AAK1: variants seen among roughly 807,000 people sequenced by gnomAD.
The protein encoded by AAK1 is AP2 associated kinase 1.
A neutral mutation model predicts 116.0 loss-of-function variants in AAK1; 37 were observed. The ratio of observed to expected loss-of-function variants is 0.32; its 90% CI spans 0.25 to 0.42. The LOEUF is 0.42. Among genes scored for constraint, AAK1 ranks in the 10% least tolerant of loss-of-function variants. AAK1 has a pLI of 1.00. For missense variants in AAK1, 919 were observed against 1,170.6 expected (o/e 0.79, Z 3.14); for synonymous variants, 458 against 439.9 (o/e 1.04, Z -0.51).
In AAK1 at chr2:69,480,902, G is replaced by A. The variant is rs374706246; in HGVS notation, c.2527C>T (p.Arg843Cys). ...IPGLEPPVPQ[R>C]LPSQTESVTS... The stretch of plus-strand genomic sequence containing the variant: ...ACAGATTCCGTCTGAGATGGGAGGC[G>A]CTGGGGAACTGGGGGCTCCAGTCCT... The change falls in exon 19 of 22, where the codon CGC (arginine) becomes TGC (cysteine). Residue 843 changes from arginine to cysteine, a missense_variant. Physicochemically the swap from Arg to Cys is radical, Grantham distance 180. Around this residue, in one of 4 missense-constraint regions of AAK1, gnomAD observed 263 missense variants for 285.5 expected, o/e 0.92. Transcript: ENST00000409085. 2.5e-5 allele frequency: 40 copies of A among 1,606,882 alleles called. No individual in the cohort carries two copies. The highest frequency in any genetic ancestry group is 6.7e-5 in the African/African-American group (5 of 74,826).
At chr2:69,631,181 A>G (rs1675157147) in intron 2 of AAK1, among the ~76,000 whole-genome samples, 1 of 152,220 alleles carries the variant, frequency 6.6e-6, no homozygotes, top group Non-Finnish European at 1.5e-5. Context: ...TCCTGTCCCC[A>G]TAGGTAATAA....
intron 2 of AAK1, among the ~76,000 whole-genome samples, chr2:69,578,194 A>C (rs908269982): frequency 6.6e-6 from 1 of 152,244 alleles, no homozygotes; most frequent in African/African-American, 2.4e-5. Flanking sequence ...CGATAGGGTT[A>C]CATTAGTAAG....
At chr2:69,532,273 T>C (rs751027908) in intron 5 of AAK1, 111 bp from the exon 6 acceptor site, 5 of 1,342,154 alleles carry the variant, frequency 3.7e-6, no homozygotes, top group East Asian at 2.5e-5. Flanking sequence ...GTCTCATTAA[T>C]GTGCACAGGG....
At chr2:69,564,345 G>A (rs1671776549) in intron 2 of AAK1, among the ~76,000 whole-genome samples, 1 of 151,976 alleles carries the variant, frequency 6.6e-6, no homozygotes, top group South Asian at 2.1e-4. Context: ...CAAGGGTAGG[G>A]CTCTGTATAC....
chr2:69,521,806 G>T (rs1193221262), intron 10 of AAK1, among the ~76,000 whole-genome samples: 3 of 152,196 alleles, frequency 2.0e-5, no homozygotes, highest in Non-Finnish European at 4.4e-5. Context: ...TGATCCTGCT[G>T]CTAGGAGCAG....
intron 2 of AAK1, among the ~76,000 whole-genome samples, chr2:69,579,060 C>A (rs1467875056): frequency 6.6e-6 from 1 of 152,114 alleles, no homozygotes; most frequent in South Asian, 2.1e-4. Context: ...CTTTCTTGAT[C>A]CAACTAGCTA....
rs56153840 is a variant in AAK1, at chr2:69,619,600, T to C, written c.163+23278A>G. On this transcript the variant is annotated intron_variant, in intron 2 of 21. Coordinates refer to ENST00000409085, the MANE Select transcript of AAK1 (RefSeq NM_014911.5). ...ACAATACACAAACAAGCACGTTATA[T>C]AGCAGAGCCAAAGCAGGGAAGAGGG... is the stretch of plus-strand genomic sequence containing the variant. Among the ~76,000 whole-genome samples the C allele has an allele frequency of 6.7e-3, 1,024 of 152,240 alleles. 12 individuals are homozygous for C. Among genetic ancestry groups the C allele is most frequent in the African/African-American group, 0.023 (944 of 41,530 alleles).
chr2:69,472,725 T>C lies in AAK1; in HGVS notation c.*3144A>G, dbSNP rs1674722181. 1 of 985,296 alleles carries C rather than the reference T, an allele frequency of 1.0e-6. No homozygotes were observed. The highest frequency in any genetic ancestry group is 1.7e-5 in the African/African-American group (1 of 57,240). 61.0% of individuals were successfully genotyped at this position (985,296 alleles called of 1,614,324 possible). A position where few individuals can be genotyped will look rare whatever the true frequency, so the allele number is the denominator to read the frequency against. ...CTTACATAGCTGGAATAAAAGCAAA[T>C]CAGAAACATATGCTTATAGTATTTG... On this transcript the variant is annotated 3_prime_UTR_variant, in exon 22 of 22. Transcript: ENST00000409085.
At chr2:69,628,945 C>G (rs981324221) in intron 2 of AAK1, among the ~76,000 whole-genome samples, 22 of 152,210 alleles carry the variant, frequency 1.4e-4, no homozygotes, top group Admixed American at 1.3e-4. Flanking sequence ...TACTCAACTA[C>G]AGGTACCACC....
intron 12 of AAK1, among the ~76,000 whole-genome samples, chr2:69,515,851 T>C (rs980071168): frequency 6.7e-5 from 10 of 149,510 alleles, no homozygotes; most frequent in Non-Finnish European, 1.5e-4. Context: ...AAAAAAAAAA[T>C]AGCTGCCTAC....
At chr2:69,541,986 C>A (rs1033410731) in intron 5 of AAK1, among the ~76,000 whole-genome samples, 1 of 152,156 alleles carries the variant, frequency 6.6e-6, no homozygotes, top group Non-Finnish European at 1.5e-5. Context: ...CCTGAAGAGA[C>A]ACTGTACATA....
intron 2 of AAK1, among the ~76,000 whole-genome samples, chr2:69,593,947 G>A (rs967574655): frequency 6.6e-6 from 1 of 152,200 alleles, no homozygotes; most frequent in Non-Finnish European, 1.5e-5. Flanking sequence ...TCTTGCCATT[G>A]TTCTCTACTG....
intron 14 of AAK1, among the ~76,000 whole-genome samples, chr2:69,507,891 G>A (rs189321730): frequency 5.3e-5 from 8 of 152,078 alleles, no homozygotes; most frequent in Non-Finnish European, 8.8e-5. Flanking sequence ...ATTTTTAGTA[G>A]AGACAAGGTT....
chr2:69,487,034 C>A (rs185549952), intron 17 of AAK1, among the ~76,000 whole-genome samples: 1 of 152,316 alleles, frequency 6.6e-6, no homozygotes, highest in Admixed American at 6.5e-5. Context: ...GATCTCACAG[C>A]AAGCAAGCAA....
intron 2 of AAK1, among the ~76,000 whole-genome samples, chr2:69,585,302 T>A (rs1672717807): frequency 6.6e-6 from 1 of 152,120 alleles, no homozygotes; most frequent in African/African-American, 2.4e-5. Context: ...CTTCAAGCAA[T>A]CCTCCTGGCC....
intron 2 of AAK1, among the ~76,000 whole-genome samples, chr2:69,609,604 C>A (rs1457893604): frequency 6.6e-6 from 1 of 152,120 alleles, no homozygotes; most frequent in Non-Finnish European, 1.5e-5. Flanking sequence ...GCAGAGGTTG[C>A]AGTGAGCCGA....
At chr2:69,598,903 G>C in intron 2 of AAK1, 1 of 341,962 alleles carries the variant, frequency 2.9e-6, no homozygotes, top group Non-Finnish European at 5.9e-6. Context: ...TTTACAAGGA[G>C]ATCATTACTT....
At position 69,466,004 on chromosome 2, in the gene AAK1, G is replaced by C. The variant is rs964294496; in HGVS notation, c.*9865C>G. 1.5e-6 allele frequency: 2 copies of C among 1,290,730 alleles called. No individual in the cohort carries two copies. The highest frequency in any genetic ancestry group is 3.0e-5 in the African/African-American group (2 of 65,808). The allele number at this position is 1,290,730 out of a possible 1,614,324, so 80.0% of individuals were successfully genotyped here. A position where few individuals can be genotyped will look rare whatever the true frequency, so the allele number is the denominator to read the frequency against. On this transcript the variant is annotated 3_prime_UTR_variant, in exon 22 of 22. Transcript: ENST00000409085. ...TAGTGAAAGGAGCTCTCAAAAACAC[G>C]TCTGACTCCTCTGGCTGGGAAGGAG...
At chr2:69,535,321 A>G (rs1203794069) in intron 5 of AAK1, among the ~76,000 whole-genome samples, 6 of 152,210 alleles carry the variant, frequency 3.9e-5, no homozygotes, top group South Asian at 4.1e-4. Context: ...AATGTCTCAT[A>G]TAACTCCTAT....
Sources: gnomAD v4.1 joint callset for allele counts (sites outside exome capture counted in the v4.1 genomes callset) on GRCh38, gnomAD v4.1.1 for gene constraint, gnomAD v4.1.1 regional missense constraint, MANE v1.5 for transcripts, NCBI Gene and HGNC (gene_info 2026-07-23, HGNC 2026-07-21) for gene names.